The following MPZL3 variants were observed in gnomAD, a reference collection of about 807,000 sequenced individuals.
The protein encoded by MPZL3 is myelin protein zero-like protein 3.
MPZL3 carries 23 observed loss-of-function variants against 24.8 expected under a neutral mutation model. The ratio of observed to expected loss-of-function variants is 0.93; its 90% CI spans 0.67 to 1.31. The LOEUF (loss-of-function observed/expected upper bound fraction) is 1.31, where lower values mean the gene tolerates loss of function less well. Ranked by LOEUF, MPZL3 falls within the 40% of genes most tolerant of loss-of-function variation. The pLI is 0.00. For synonymous variants in MPZL3, 99 were observed against 106.5 expected (o/e 0.93, Z 0.44); for missense variants, 277 against 294.9 (o/e 0.94, Z 0.44).
At chr11:118,235,335 C>T (rs1949408851) in intron 4 of MPZL3, 89 bp downstream of exon 4, 2 of 1,449,648 alleles carry the variant, frequency 1.4e-6, no homozygotes, top group Admixed American at 2.1e-5. Context: ...TAAACTCGGT[C>T]CAGAAGAAAG....
intron 1 of MPZL3, among the ~76,000 whole-genome samples, chr11:118,241,484 A>T (rs2134708485): frequency 6.6e-6 from 1 of 152,316 alleles, no homozygotes; most frequent in Admixed American, 6.5e-5. Flanking sequence ...AAGTTACCGT[A>T]CTTCTTCAGT....
chr11:118,251,785 T>C (rs1949622090), intron 1 of MPZL3, among the ~76,000 whole-genome samples: 2 of 152,104 alleles, frequency 1.3e-5, no homozygotes, highest in Non-Finnish European at 2.9e-5. Context: ...CTACAAAAAA[T>C]AAAATTACCA....
chr11:118,246,518 A>G (rs555904625), intron 1 of MPZL3, among the ~76,000 whole-genome samples: 2 of 151,690 alleles, frequency 1.3e-5, no homozygotes, highest in Admixed American at 1.3e-4. Flanking sequence ...CAGGCAGGCA[A>G]TGGAAGGCAC....
chr11:118,244,429 G>A (rs996853048), intron 1 of MPZL3, among the ~76,000 whole-genome samples: 3 of 152,180 alleles, frequency 2.0e-5, no homozygotes, highest in Non-Finnish European at 2.9e-5. Context: ...ATGGGGGAGA[G>A]GAGAGTGGTT....
chr11:118,243,868 A>T (rs1037495102), intron 1 of MPZL3, among the ~76,000 whole-genome samples: 4 of 152,108 alleles, frequency 2.6e-5, no homozygotes, highest in African/African-American at 9.7e-5. Context: ...TAGCAATTTT[A>T]AAAAATCTTT....
At chr11:118,237,821 G>T (rs1176690225) in intron 2 of MPZL3, among the ~76,000 whole-genome samples, 1 of 152,130 alleles carries the variant, frequency 6.6e-6, no homozygotes, top group East Asian at 1.9e-4. Flanking sequence ...CATGAGGCAG[G>T]TATAATTATT....
At chr11:118,241,160 C>G (rs939768217) in intron 1 of MPZL3, among the ~76,000 whole-genome samples, 2 of 152,172 alleles carry the variant, frequency 1.3e-5, no homozygotes, top group African/African-American at 2.4e-5. Context: ...TTTGTTCTAA[C>G]CAGTTCCTTC....
At chr11:118,250,567 TC>T (rs1949608328) in intron 1 of MPZL3, among the ~76,000 whole-genome samples, 1 of 150,102 alleles carries the variant, frequency 6.7e-6, no homozygotes, top group Non-Finnish European at 1.5e-5. Context: ...ACCAGTTGTT[TC>T]TTTTTTGTTT....
intron 5 of MPZL3, among the ~76,000 whole-genome samples, chr11:118,232,422 C>T (rs1949366010): frequency 6.6e-6 from 1 of 151,294 alleles, no homozygotes; most frequent in Admixed American, 6.6e-5. Flanking sequence ...TATTTGTACC[C>T]CAATTCAACA....
chr11:118,248,969 G>C (rs1949588605), intron 1 of MPZL3, among the ~76,000 whole-genome samples: 2 of 152,290 alleles, frequency 1.3e-5, no homozygotes, highest in South Asian at 4.1e-4. Context: ...AGAAGCATTT[G>C]TTCAAAGGAT....
Position 118,252,237 on chromosome 11 carries a change from C to G in MPZL3, c.58G>C (p.Val20Leu). 6.2e-7 allele frequency: 1 copy of G among 1,613,862 alleles called. No individual in the cohort carries two copies. Among genetic ancestry groups the G allele is most frequent in the South Asian group, 1.1e-5 (1 of 91,076 alleles). ...RGCALFPLLGVLFFQGVYIVF... is the reference protein window; with the variant it reads ...RGCALFPLLGLLFFQGVYIVF... Reference sequence around the variant, plus strand: ...GAGCACTCACCCTGGAAGAACAGGACGCCCAGCAGAGGGAAGAGAGCGCAG... The same window carrying G: ...GAGCACTCACCCTGGAAGAACAGGAGGCCCAGCAGAGGGAAGAGAGCGCAG... Residue 20 changes from valine to leucine, a missense_variant, in exon 1 of 6, where the codon GTC becomes CTC. Val to Leu is a conservative substitution (Grantham distance 32, BLOSUM62 1). Transcript: ENST00000278949.
intron 4 of MPZL3, among the ~76,000 whole-genome samples, chr11:118,234,550 C>T (rs1429479158): frequency 6.6e-6 from 1 of 152,148 alleles, no homozygotes; most frequent in Admixed American, 6.6e-5. Context: ...AAGTTCATGG[C>T]AGCTGGGACG....
chr11:118,252,076 A>G (rs780521300), intron 1 of MPZL3, 146 bp downstream of exon 1: 10 of 758,344 alleles, frequency 1.3e-5, no homozygotes, highest in Non-Finnish European at 2.3e-5. Context: ...TGGTGATGAC[A>G]TCGTCCCAAC....
Position 118,227,692 on chromosome 11 carries a change from T to C in MPZL3, c.*2202A>G, listed in dbSNP as rs1006261481. 2.6e-5 allele frequency: 4 copies of C among 152,226 alleles called. No individual in the cohort carries two copies. Among genetic ancestry groups the C allele is most frequent in the Non-Finnish European group, 5.9e-5 (4 of 68,044 alleles). The allele number at this position is 152,226 out of a possible 1,614,324, so 9.4% of individuals were successfully genotyped here. On this transcript the variant is annotated 3_prime_UTR_variant, in exon 6 of 6. Transcript: ENST00000278949. ...CGACTGAGTATTCACAGAGCACCAA[T>C]TACCTCAAGTTTAGACTAGGTGTCA...
At chr11:118,236,003 T>C (rs79961723) in intron 3 of MPZL3, among the ~76,000 whole-genome samples, 238 of 152,350 alleles carry the variant, frequency 1.6e-3, no homozygotes, top group African/African-American at 5.6e-3. Context: ...ACTAATCCTC[T>C]AATGCTGGAC....
chr11:118,229,735 C>T lies in MPZL3; in HGVS notation c.*159G>A. ...TATAAATACAACAAGAACATTTATT[C>T]AATAAATAAGTGGTTCCTAAAGTCT... On this transcript the variant is annotated 3_prime_UTR_variant, in exon 6 of 6. Transcript: ENST00000278949. 1.7e-6 allele frequency: 1 copy of T among 581,650 alleles called. No homozygotes were observed. Among genetic ancestry groups the T allele is most frequent in the Non-Finnish European group, 3.0e-6 (1 of 334,160 alleles). 36.0% of individuals were successfully genotyped at this position (581,650 alleles called of 1,614,324 possible).
intron 1 of MPZL3, among the ~76,000 whole-genome samples, chr11:118,246,898 C>T (rs1949562365): frequency 6.6e-6 from 1 of 151,896 alleles, no homozygotes; most frequent in Non-Finnish European, 1.5e-5. Context: ...GGCCACTTTT[C>T]GAAGGGACTT....
chr11:118,240,514 CACAAGGG>C, intron 1 of MPZL3, 137 bp from the exon 2 acceptor site: 1 of 787,938 alleles, frequency 1.3e-6, no homozygotes, highest in Non-Finnish European at 1.9e-6. Flanking sequence ...CAGGCAAGCC[CACAAGGG>C]ACAAGGAGTT....
intron 1 of MPZL3, among the ~76,000 whole-genome samples, chr11:118,245,685 C>T (rs73596363): frequency 1.2e-3 from 188 of 152,234 alleles, no homozygotes; most frequent in African/African-American, 4.2e-3. Flanking sequence ...GCAAATGGAT[C>T]TAGTGGAAAG....
Sources: gnomAD v4.1 joint callset for allele counts (sites outside exome capture counted in the v4.1 genomes callset) on GRCh38, gnomAD v4.1.1 for gene constraint, MANE v1.5 for transcripts, NCBI Gene and HGNC (gene_info 2026-07-23, HGNC 2026-07-21) for gene names.